Variants in MGAT5B observed in about 807,000 individuals in gnomAD.
The protein encoded by MGAT5B is N-acetylglucosaminyl-transferase Vb.
A neutral mutation model predicts 95.1 loss-of-function variants in MGAT5B; 54 were observed. That is an observed-to-expected ratio of 0.57 (90% CI 0.46 to 0.71). MGAT5B has a LOEUF of 0.71. Among genes scored for constraint, MGAT5B ranks in the 30% least tolerant of loss-of-function variants. The pLI is 0.00. For synonymous variants in MGAT5B, 464 were observed against 451.0 expected (o/e 1.03, Z -0.36); for missense variants, 935 against 1,088.6 (o/e 0.86, Z 1.99).
chr17:76,925,458 G>T (rs922992219), intron 9 of MGAT5B, among the ~76,000 whole-genome samples: 8 of 149,690 alleles, frequency 5.3e-5, no homozygotes, highest in African/African-American at 2.0e-4. Context: ...GGACCTTGGG[G>T]TGGGGAGAGC....
intron 15 of MGAT5B, among the ~76,000 whole-genome samples, chr17:76,941,849 C>T (rs1006706591): frequency 2.0e-5 from 3 of 152,218 alleles, no homozygotes; most frequent in African/African-American, 4.8e-5. Flanking sequence ...CTCATCACCA[C>T]GGGGGCCTCT....
At chr17:76,904,528 G>C in intron 6 of MGAT5B, 106 bp downstream of exon 6, 1 of 1,318,866 alleles carries the variant, frequency 7.6e-7, no homozygotes, top group African/African-American at 1.5e-5. Flanking sequence ...TGAGCTGCTT[G>C]CCAGGTGTGT....
chr17:76,948,228 C>T, intron 17 of MGAT5B, 142 bp downstream of exon 17: 1 of 1,422,716 alleles, frequency 7.0e-7, no homozygotes, highest in Non-Finnish European at 9.2e-7. Context: ...CAGGAAGGAT[C>T]CAGAAGGGAT....
intron 3 of MGAT5B, 185 bp downstream of exon 3, chr17:76,882,483 G>C (rs1451076255): frequency 1.5e-6 from 1 of 676,592 alleles, no homozygotes; most frequent in Non-Finnish European, 2.2e-6. Flanking sequence ...CACATTTGTG[G>C]CCTGTTTTCC....
Position 76,868,477 on chromosome 17 carries a change from CAG to C in MGAT5B, c.-550_-549del, listed in dbSNP as rs1395657863. ...TCGCGCGGGGCCGGACGCCGGACAC[CAG>C]AGCGCGGGCGGCGGAGCCAGCGGGC... On this transcript the variant is annotated 5_prime_UTR_variant, in exon 1 of 18. Coordinates refer to ENST00000569840, the MANE Select transcript of MGAT5B (RefSeq NM_001199172.2). The surrounding 1 kb of genome is among the most constrained non-coding windows in gnomAD (Gnocchi z 6.3). 2 of 150,338 alleles carry C rather than the reference CAG, an allele frequency of 1.3e-5. No individual in the cohort carries two copies. The highest frequency in any genetic ancestry group is 3.0e-5 in the Non-Finnish European group (2 of 67,346). 9.3% of individuals were successfully genotyped at this position (150,338 alleles called of 1,614,324 possible).
At chr17:76,877,376 G>A (rs1967230347) in intron 2 of MGAT5B, among the ~76,000 whole-genome samples, 1 of 151,776 alleles carries the variant, frequency 6.6e-6, no homozygotes, top group African/African-American at 2.4e-5. Flanking sequence ...CTATCTTTTG[G>A]GAGGGGTCTG....
chr17:76,869,969 A>G lies in MGAT5B; in HGVS notation c.68+872A>G, dbSNP rs1400034954. On this transcript the variant is annotated intron_variant, in intron 1 of 17. Transcript: ENST00000569840. The surrounding 1 kb of genome is among the most constrained non-coding windows in gnomAD (Gnocchi z 7.0). ...GTGGGGAGGGGGCGCTGCCCAGTGGACGCCCGGCGGGGCCCGAGTGTCACC... is the reference window on the plus strand; with the variant it reads ...GTGGGGAGGGGGCGCTGCCCAGTGGGCGCCCGGCGGGGCCCGAGTGTCACC... Among the ~76,000 whole-genome samples the G allele has an allele frequency of 6.6e-6, 1 of 152,002 alleles. No individual in the cohort carries two copies. Among genetic ancestry groups the G allele is most frequent in the Non-Finnish European group, 1.5e-5 (1 of 67,952 alleles).
chr17:76,903,095 C>T (rs1444496474), intron 4 of MGAT5B, among the ~76,000 whole-genome samples: 2 of 152,170 alleles, frequency 1.3e-5, no homozygotes. Context: ...GCTGTTCGCA[C>T]CAGCTCCTCA....
chr17:76,937,004 G>GT (rs11306769), intron 12 of MGAT5B, among the ~76,000 whole-genome samples: 19,229 of 142,390 alleles, frequency 0.14, 1,481 homozygotes, highest in South Asian at 0.23. Context: ...GGATTTCAAT[G>GT]TTTTTTTTTT....
chr17:76,891,785 C>A (rs1331088553), intron 3 of MGAT5B, among the ~76,000 whole-genome samples: 1 of 152,212 alleles, frequency 6.6e-6, no homozygotes, highest in Non-Finnish European at 1.5e-5. Flanking sequence ...ACGCAGCCCT[C>A]CAAGGGTTGC....
chr17:76,897,719 TTCTTTC>T (rs1444119334), intron 3 of MGAT5B, among the ~76,000 whole-genome samples: 5 of 100,266 alleles, frequency 5.0e-5, no homozygotes, highest in Non-Finnish European at 8.8e-5. Context: ...CTTTCTTTCT[TTCTTTC>T]TTTTTCTTTT....
chr17:76,890,524 G>A (rs746702619), intron 3 of MGAT5B, among the ~76,000 whole-genome samples: 6 of 152,042 alleles, frequency 3.9e-5, no homozygotes, highest in Non-Finnish European at 7.4e-5. Context: ...CTTTTTTTGA[G>A]ACAGGGTCTC....
chr17:76,950,375 G>A lies in MGAT5B; in HGVS notation c.*1537G>A, dbSNP rs530914180. The A allele has an allele frequency of 6.6e-6, 1 of 152,588 alleles. No homozygotes were observed. Among genetic ancestry groups the A allele is most frequent in the South Asian group, 2.1e-4 (1 of 4,828 alleles). 9.5% of individuals were successfully genotyped at this position (152,588 alleles called of 1,614,324 possible). A position where few individuals can be genotyped will look rare whatever the true frequency, so the allele number is the denominator to read the frequency against. On this transcript the variant is annotated 3_prime_UTR_variant, in exon 18 of 18. Coordinates refer to ENST00000569840, the MANE Select transcript of MGAT5B (RefSeq NM_001199172.2). Reference sequence around the variant, plus strand: ...GAAATAATAAATATTTTATTGGGATGTGAGGTGCAGAAGAGGAACTGTGCT... The same window carrying A: ...GAAATAATAAATATTTTATTGGGATATGAGGTGCAGAAGAGGAACTGTGCT...
chr17:76,913,316 A>G (rs979973842), intron 8 of MGAT5B, among the ~76,000 whole-genome samples: 15 of 152,228 alleles, frequency 9.9e-5, no homozygotes, highest in African/African-American at 3.4e-4. Flanking sequence ...AGTTCTGGAT[A>G]TGACTGGCAC....
chr17:76,880,417 GC>G (rs1459328766), intron 2 of MGAT5B, among the ~76,000 whole-genome samples: 2 of 152,206 alleles, frequency 1.3e-5, no homozygotes, highest in Non-Finnish European at 2.9e-5. Context: ...GAACGTGGCA[GC>G]AGTGGCTGGG....
intron 2 of MGAT5B, among the ~76,000 whole-genome samples, chr17:76,881,494 G>A (rs138838516): frequency 9.2e-5 from 14 of 152,240 alleles, no homozygotes; most frequent in African/African-American, 2.9e-4. Flanking sequence ...GGAGAAGGAG[G>A]GCTGGGGAAG....
intron 3 of MGAT5B, among the ~76,000 whole-genome samples, chr17:76,883,504 C>T (rs1274620847): frequency 6.6e-6 from 1 of 152,164 alleles, no homozygotes; most frequent in East Asian, 1.9e-4. Flanking sequence ...ACATCCAAAT[C>T]ATGTGTCCTA....
rs147299608 is a variant in MGAT5B, at chr17:76,882,291, G to C, written c.322G>C (p.Ala108Pro). 1 of 1,610,692 alleles carries C rather than the reference G, an allele frequency of 6.2e-7. No individual in the cohort carries two copies. ...GGCCGGCGGCGACCTGCACTTTCCC[G>C]CAGACAGGTGAGGGGACGTGGGGAG... ...HRAGGDLHFP[A>P]DRMPPGAGLM... The change falls in exon 3 of 18, where the codon GCA becomes CCA. Residue 108 changes from alanine (A) to proline (P), a missense_variant. This residue lies in a region of MGAT5B where 243 missense variants were observed against 228.2 expected (regional missense o/e 1.06). Coordinates refer to ENST00000569840, the MANE Select transcript of MGAT5B (RefSeq NM_001199172.2).
At position 76,902,606 on chromosome 17, in the gene MGAT5B, C is replaced by T. The variant is rs113033355; in HGVS notation, c.381C>T (p.Asn127=). The change falls in exon 4 of 18, where the codon AAC becomes AAT. Residue 127 remains asparagine (N), a synonymous_variant. Coordinates refer to ENST00000569840, the MANE Select transcript of MGAT5B (RefSeq NM_001199172.2). ...LMERIQAIAQ[N]VSDIAVKVDQ... Reference sequence around the variant, plus strand: ...AGCGGATCCAGGCTATTGCCCAGAACGTCTCCGACATCGCTGTGAAGGTGG... The same window carrying T: ...AGCGGATCCAGGCTATTGCCCAGAATGTCTCCGACATCGCTGTGAAGGTGG... 3,181 of 1,604,082 alleles carry T rather than the reference C, an allele frequency of 2.0e-3. 52 individuals are homozygous for T. In the African/African-American group the frequency reaches 0.021, roughly 10 times the overall value.
Sources: allele counts gnomAD v4.1 joint callset (sites outside exome capture counted in the v4.1 genomes callset), GRCh38; gene constraint gnomAD v4.1.1; regional missense constraint gnomAD v4.1.1; non-coding constraint Gnocchi (gnomAD v3.1); transcripts MANE v1.5; gene names NCBI Gene and HGNC (gene_info 2026-07-23, HGNC 2026-07-21).